Variants in TENM3 observed in about 807,000 individuals in gnomAD.
TENM3 encodes the protein teneurin-3.
In TENM3, 63 loss-of-function variants were observed where a neutral mutation model predicts 255.1. That is an observed-to-expected ratio of 0.25 (90% CI 0.20 to 0.30). The LOEUF (loss-of-function observed/expected upper bound fraction) is 0.30, where lower values mean the gene tolerates loss of function less well. Ranked by LOEUF, TENM3 falls within the 10% of genes least tolerant of loss-of-function variation. TENM3 has a pLI of 1.00. For missense variants in TENM3, 2,929 were observed against 3,461.1 expected (o/e 0.85, Z 3.86); for synonymous variants, 1,306 against 1,322.3 (o/e 0.99, Z 0.27).
In TENM3 at chr4:182,360,288, G is replaced by C. The variant is rs1385526162; in HGVS notation, c.511+13359G>C. On this transcript the variant is annotated intron_variant, in intron 3 of 27. Coordinates refer to ENST00000511685, the MANE Select transcript of TENM3 (RefSeq NM_001080477.4). ...TCCTGGGTATCCTTGTTGACTTTCT[G>C]TCTCGTTGATCTGTCTAATGTTGAC... Among the ~76,000 whole-genome samples the C allele has an allele frequency of 2.3e-5, 3 of 129,820 alleles. No individual in the cohort carries two copies. The Admixed American group carries it at 2.5e-4, about 11-fold the overall frequency. The allele number at this position is 129,820 out of a possible 152,430, so 85.2% of individuals were successfully genotyped here.
At chr4:182,168,389 C>A (rs1751864315) in intron 1 of TENM3, among the ~76,000 whole-genome samples, 1 of 152,146 alleles carries the variant, frequency 6.6e-6, no homozygotes, top group African/African-American at 2.4e-5. Flanking sequence ...CTTGCCTTGG[C>A]CTCCAAAAGT....
chr4:182,068,209 C>A, the TENM3 span, among the ~76,000 whole-genome samples: 1 of 152,054 alleles, frequency 6.6e-6, no homozygotes, highest in Non-Finnish European at 1.5e-5. Context: ...GAATAAGGCA[C>A]CTTTTTAATG....
the TENM3 span, among the ~76,000 whole-genome samples, chr4:181,891,770 T>A: frequency 6.6e-6 from 1 of 152,290 alleles, no homozygotes; most frequent in East Asian, 1.9e-4. Context: ...CTAGTGTATG[T>A]GATGATCAAA....
At chr4:182,193,459 T>C (rs1023630169) in intron 1 of TENM3, among the ~76,000 whole-genome samples, 1 of 152,196 alleles carries the variant, frequency 6.6e-6, no homozygotes, top group African/African-American at 2.4e-5. Flanking sequence ...ATTGGTTCTT[T>C]TGTAGACCTG....
At chr4:181,560,506 C>T in the TENM3 span, among the ~76,000 whole-genome samples, 2 of 152,118 alleles carry the variant, frequency 1.3e-5, no homozygotes, top group African/African-American at 4.8e-5. Flanking sequence ...AGATCAATTC[C>T]TCCTTCATAT....
the TENM3 span, among the ~76,000 whole-genome samples, chr4:181,969,499 G>A: frequency 2.0e-5 from 3 of 152,092 alleles, 1 homozygote; most frequent in South Asian, 6.2e-4. Flanking sequence ...TTTTGCCACC[G>A]CAATATGCAT....
chr4:182,623,533 G>A (rs1366253689), intron 4 of TENM3, among the ~76,000 whole-genome samples: 1 of 151,220 alleles, frequency 6.6e-6, no homozygotes, highest in Non-Finnish European at 1.5e-5. Flanking sequence ...GGGTTTCAGT[G>A]TGTTGGCCGG....
chr4:182,207,366 C>A (rs1459327178), intron 1 of TENM3, among the ~76,000 whole-genome samples: 1 of 152,160 alleles, frequency 6.6e-6, no homozygotes, highest in Non-Finnish European at 1.5e-5. Context: ...TATAACTAAG[C>A]TGGGAGCTTT....
At chr4:182,480,726 A>G (rs898566553) in intron 3 of TENM3, among the ~76,000 whole-genome samples, 1 of 152,012 alleles carries the variant, frequency 6.6e-6, no homozygotes, top group Non-Finnish European at 1.5e-5. Flanking sequence ...ATCAAAGCAT[A>G]TAGATATTTT....
chr4:182,779,095 T>A (rs1764945038), intron 24 of TENM3, among the ~76,000 whole-genome samples: 1 of 150,682 alleles, frequency 6.6e-6, no homozygotes, highest in African/African-American at 2.5e-5. Flanking sequence ...TTAGGGTACA[T>A]GTGCACATTG....
At chr4:181,673,858 G>A in the TENM3 span, among the ~76,000 whole-genome samples, 696 of 140,356 alleles carry the variant, frequency 5.0e-3, 6 homozygotes, top group Admixed American at 0.015. Flanking sequence ...GTGTGTGTGT[G>A]TGTGTGTGTG....
intron 5 of TENM3, among the ~76,000 whole-genome samples, chr4:182,652,561 T>A (rs1753406206): frequency 6.6e-6 from 1 of 152,160 alleles, no homozygotes; most frequent in African/African-American, 2.4e-5. Flanking sequence ...TTTCTAACAA[T>A]ATCACGTAAT....
At chr4:182,509,071 A>G (rs1737116881) in intron 3 of TENM3, among the ~76,000 whole-genome samples, 1 of 152,378 alleles carries the variant, frequency 6.6e-6, no homozygotes, top group Admixed American at 6.5e-5. Flanking sequence ...TATTTTTAAC[A>G]TATTCACTCT....
At chr4:182,352,181 G>T (rs1765232424) in intron 3 of TENM3, among the ~76,000 whole-genome samples, 1 of 151,984 alleles carries the variant, frequency 6.6e-6, no homozygotes, top group Middle Eastern at 3.4e-3. Context: ...AGAACTCACG[G>T]TGTCTTCCAG....
At chr4:181,669,984 G>A in the TENM3 span, among the ~76,000 whole-genome samples, 37 of 152,192 alleles carry the variant, frequency 2.4e-4, no homozygotes, top group African/African-American at 8.4e-4. Context: ...TGATTATTCC[G>A]TTAAAGGGCA....
the TENM3 span, among the ~76,000 whole-genome samples, chr4:181,529,404 G>A: frequency 6.6e-6 from 1 of 152,184 alleles, no homozygotes; most frequent in African/African-American, 2.4e-5. Context: ...CTCAATTCAT[G>A]TTTTGCTTCC....
At chr4:181,962,034 G>A in the TENM3 span, among the ~76,000 whole-genome samples, 1 of 152,206 alleles carries the variant, frequency 6.6e-6, no homozygotes, top group African/African-American at 2.4e-5. Flanking sequence ...GTAGGCAGGA[G>A]CCAGTCTACA....
chr4:181,713,235 C>T, the TENM3 span, among the ~76,000 whole-genome samples: 2 of 152,134 alleles, frequency 1.3e-5, no homozygotes, highest in Non-Finnish European at 2.9e-5. Context: ...CCCATTGCTA[C>T]AAAGAAGAGG....
chr4:181,868,670 G>T, the TENM3 span, among the ~76,000 whole-genome samples: 3 of 152,256 alleles, frequency 2.0e-5, no homozygotes, highest in Non-Finnish European at 2.9e-5. Flanking sequence ...TTGTCTTTTA[G>T]CATTGACTGA....
Sources: allele counts gnomAD v4.1 joint callset (sites outside exome capture counted in the v4.1 genomes callset), GRCh38; gene constraint gnomAD v4.1.1; transcripts MANE v1.5; gene names NCBI Gene and HGNC (gene_info 2026-07-23, HGNC 2026-07-21).